GRID1: variants seen among roughly 807,000 people sequenced by gnomAD.
GRID1 encodes glutamate ionotropic receptor delta type subunit 1, also known as glutamate receptor ionotropic, delta-1.
In GRID1, 28 loss-of-function variants were observed where a neutral mutation model predicts 98.0. The ratio of observed to expected loss-of-function variants is 0.29; its 90% CI spans 0.21 to 0.39. The LOEUF (loss-of-function observed/expected upper bound fraction) is 0.39, where lower values mean the gene tolerates loss of function less well. Among genes scored for constraint, GRID1 ranks in the 10% least tolerant of loss-of-function variants. GRID1 has a pLI of 1.00. For missense variants in GRID1, 1,111 were observed against 1,340.5 expected, an observed-to-expected ratio of 0.83 and a Z score of 2.67; for synonymous variants, 553 against 538.5, an observed-to-expected ratio of 1.03 and a Z score of -0.37.
chr10:85,999,720 C>T (rs1204466442), intron 4 of GRID1, among the ~76,000 whole-genome samples: 2 of 152,110 alleles, frequency 1.3e-5, no homozygotes, highest in Non-Finnish European at 2.9e-5. Flanking sequence ...AAAAAACCAA[C>T]TTGATTACAT....
chr10:86,311,358 G>A (rs988293749), intron 2 of GRID1, among the ~76,000 whole-genome samples: 3 of 152,052 alleles, frequency 2.0e-5, no homozygotes, highest in Non-Finnish European at 2.9e-5. Flanking sequence ...AGACCTAGTC[G>A]GGGCAGCTGG....
chr10:86,227,491 C>G (rs1165478194), intron 2 of GRID1, among the ~76,000 whole-genome samples: 1 of 152,232 alleles, frequency 6.6e-6, no homozygotes, highest in Non-Finnish European at 1.5e-5. Flanking sequence ...CTAAAACCCA[C>G]ACCTGCTTAA....
intron 2 of GRID1, among the ~76,000 whole-genome samples, chr10:86,290,450 T>C (rs967471098): frequency 6.6e-6 from 1 of 152,058 alleles, no homozygotes; most frequent in Non-Finnish European, 1.5e-5. Flanking sequence ...AGTTCGAGGA[T>C]AGCCTGGCCA....
At chr10:85,833,013 GA>G (rs2131763527) in intron 8 of GRID1, among the ~76,000 whole-genome samples, 1 of 152,248 alleles carries the variant, frequency 6.6e-6, no homozygotes, top group South Asian at 2.1e-4. Flanking sequence ...CACAGCCCAG[GA>G]ATCCTCTCTG....
Position 86,189,328 on chromosome 10 carries a change from T to C in GRID1, c.520+17036A>G, listed in dbSNP as rs186099595. 1.2e-4 allele frequency among the ~76,000 whole-genome samples: 18 copies of C among 152,120 alleles called. No individual in the cohort carries two copies. In the South Asian group the frequency reaches 2.7e-3, roughly 23 times the overall value. ...ACTCCACCTGGCCTAACTAGTCGGCTTCCAACTCCCGTCACTTCCTGCTAC... is the reference window on the plus strand; with the variant it reads ...ACTCCACCTGGCCTAACTAGTCGGCCTCCAACTCCCGTCACTTCCTGCTAC... On this transcript the variant is annotated intron_variant, in intron 3 of 15. Coordinates refer to ENST00000327946, the MANE Select transcript of GRID1 (RefSeq NM_017551.3).
intron 4 of GRID1, among the ~76,000 whole-genome samples, chr10:86,067,699 G>A (rs535036750): frequency 7.2e-5 from 11 of 152,294 alleles, no homozygotes; most frequent in African/African-American, 2.6e-4. Context: ...ACACAGAAAG[G>A]CCTGGAAGGC....
intron 10 of GRID1, among the ~76,000 whole-genome samples, chr10:85,727,493 AG>A (rs1273105242): frequency 2.6e-5 from 4 of 152,160 alleles, no homozygotes; most frequent in Admixed American, 1.3e-4. Flanking sequence ...GTGGTCTATA[AG>A]GGATAGGAGA....
intron 3 of GRID1, among the ~76,000 whole-genome samples, chr10:86,183,184 T>A (rs1287495868): frequency 6.6e-6 from 1 of 152,148 alleles, no homozygotes; most frequent in Non-Finnish European, 1.5e-5. Context: ...AGTTTCTATG[T>A]TCTAGTTTTG....
chr10:86,090,000 G>A (rs898301099), intron 4 of GRID1, among the ~76,000 whole-genome samples: 15 of 152,168 alleles, frequency 9.9e-5, no homozygotes, highest in Admixed American at 9.8e-4. Flanking sequence ...ACCTGCCTTG[G>A]CCTCCCAAAG....
At chr10:85,915,558 C>T (rs1345776972) in intron 5 of GRID1, among the ~76,000 whole-genome samples, 1 of 151,722 alleles carries the variant, frequency 6.6e-6, no homozygotes, top group Non-Finnish European at 1.5e-5. Flanking sequence ...CATGCATGCA[C>T]ATACCTGTCA....
chr10:86,345,056 AC>A (rs1017028772), intron 2 of GRID1, among the ~76,000 whole-genome samples: 1 of 152,116 alleles, frequency 6.6e-6, no homozygotes, highest in Non-Finnish European at 1.5e-5. Flanking sequence ...CACGGCAGTG[AC>A]CAATCAGACT....
intron 2 of GRID1, among the ~76,000 whole-genome samples, chr10:86,347,870 T>A (rs887840952): frequency 2.0e-5 from 3 of 152,182 alleles, no homozygotes; most frequent in Non-Finnish European, 4.4e-5. Flanking sequence ...GATGGTCCGC[T>A]TTAGCATTCT....
chr10:86,024,199 G>T (rs980820029), intron 4 of GRID1, among the ~76,000 whole-genome samples: 2 of 152,166 alleles, frequency 1.3e-5, no homozygotes, highest in African/African-American at 4.8e-5. Context: ...GAGACAGCCA[G>T]ACCTGGTTAG....
At chr10:85,606,906 G>A (rs1381342830) in intron 15 of GRID1, 1 of 152,140 alleles carries the variant, frequency 6.6e-6, no homozygotes, top group Non-Finnish European at 1.5e-5. Flanking sequence ...CAAGGTTTCG[G>A]TATTCGGCCA....
At chr10:86,077,613 CAT>C (rs1399361709) in intron 4 of GRID1, among the ~76,000 whole-genome samples, 10 of 152,192 alleles carry the variant, frequency 6.6e-5, no homozygotes, top group South Asian at 2.1e-4. Context: ...CATTCGAACA[CAT>C]ATTGTGTGGC....
intron 4 of GRID1, among the ~76,000 whole-genome samples, chr10:86,127,621 G>T (rs1245219274): frequency 6.6e-6 from 1 of 152,164 alleles, no homozygotes; most frequent in Non-Finnish European, 1.5e-5. Context: ...ACCACAAGCT[G>T]GTTCTCAACC....
chr10:86,180,253 G>A (rs977053170), intron 3 of GRID1, among the ~76,000 whole-genome samples: 3 of 152,122 alleles, frequency 2.0e-5, no homozygotes, highest in Admixed American at 6.5e-5. Context: ...GCAGTGATTG[G>A]CTCAGCAACT....
chr10:85,884,887 A>G (rs979100534), intron 5 of GRID1, among the ~76,000 whole-genome samples: 7 of 152,204 alleles, frequency 4.6e-5, no homozygotes, highest in Non-Finnish European at 1.0e-4. Context: ...AGAATATTGT[A>G]ACAACAAAAA....
At chr10:86,332,123 G>T (rs1195092415) in intron 2 of GRID1, among the ~76,000 whole-genome samples, 1 of 152,222 alleles carries the variant, frequency 6.6e-6, no homozygotes, top group Non-Finnish European at 1.5e-5. Flanking sequence ...CTTCCCCGAG[G>T]TCATGCAGCT....
Sources: gnomAD v4.1 joint callset for allele counts (sites outside exome capture counted in the v4.1 genomes callset) on GRCh38, gnomAD v4.1.1 for gene constraint, MANE v1.5 for transcripts, NCBI Gene and HGNC (gene_info 2026-07-23, HGNC 2026-07-21) for gene names.